Variants in FGD5 observed in about 807,000 individuals in gnomAD.
The protein encoded by FGD5 is FYVE, RhoGEF and PH domain containing 5.
A neutral mutation model predicts 133.4 loss-of-function variants in FGD5; 28 were observed. The observed-to-expected ratio is 0.21, with a 90% CI of 0.16 to 0.29. The LOEUF (loss-of-function observed/expected upper bound fraction) is 0.29. Ranked by LOEUF, FGD5 falls within the 10% of genes least tolerant of loss-of-function variation. The pLI, the probability that FGD5 is intolerant of heterozygous loss-of-function variation, is 1.00. For missense variants in FGD5, 1,858 were observed against 1,895.2 expected, an observed-to-expected ratio of 0.98 and a Z score of 0.36; for synonymous variants, 810 against 776.5, an observed-to-expected ratio of 1.04 and a Z score of -0.72.
At chr3:14,921,835 G>C in intron 13 of FGD5, 83 bp from the exon 14 acceptor site, 2 of 1,329,858 alleles carry the variant, frequency 1.5e-6, no homozygotes. Context: ...AGGGGCATCT[G>C]AGTGAGAACC....
At chr3:14,829,699 C>T (rs916852470) in intron 1 of FGD5, among the ~76,000 whole-genome samples, 12 of 152,054 alleles carry the variant, frequency 7.9e-5, no homozygotes, top group African/African-American at 2.9e-4. Flanking sequence ...GGAGACAAGC[C>T]GAGTAATGAA....
At position 14,922,172 on chromosome 3, in the gene FGD5, C is replaced by T. The variant is rs2038696205; in HGVS notation, c.3669+155C>T. The T allele has an allele frequency of 2.0e-6, 2 of 982,484 alleles. No homozygotes were observed. Among genetic ancestry groups the T allele is most frequent in the Non-Finnish European group, 3.0e-6 (2 of 662,910 alleles). 60.9% of individuals were successfully genotyped at this position (982,484 alleles called of 1,614,324 possible). ...ACCCCTGCCATGCTCCCACCCTAGT[C>T]AGGGGCGGCCTCCGTGTAACCTAGG... is the stretch of plus-strand genomic sequence containing the variant. On this transcript the variant is annotated intron_variant, in intron 14 of 19. Coordinates refer to ENST00000285046, the MANE Select transcript of FGD5 (RefSeq NM_152536.4). The surrounding 1 kb of genome is among the most constrained non-coding windows in gnomAD (Gnocchi z 4.1).
rs1398663823 is a variant in FGD5, at chr3:14,820,339, A to T, written c.1268A>T (p.Asp423Val). Residue 423 changes from aspartate to valine, a missense_variant, in exon 1 of 20, where the codon GAT becomes GTT. Coordinates refer to ENST00000285046, the MANE Select transcript of FGD5 (RefSeq NM_152536.4). The stretch of plus-strand genomic sequence containing the variant: ...GTCGTGCTGGAGGAGGAGGCCTTGG[A>T]TGATGCACTGGCCAACCCCTATGTG... Reference protein sequence around the residue: ...VVVVLEEEALDDALANPYVMG... With the variant: ...VVVVLEEEALVDALANPYVMG... 1 of 1,612,312 alleles carries T rather than the reference A, an allele frequency of 6.2e-7. No individual in the cohort carries two copies. The highest frequency in any genetic ancestry group is 1.1e-5 in the South Asian group (1 of 90,884).
intron 1 of FGD5, among the ~76,000 whole-genome samples, chr3:14,836,245 C>T (rs1013796888): frequency 6.6e-6 from 1 of 152,204 alleles, no homozygotes; most frequent in Non-Finnish European, 1.5e-5. Flanking sequence ...AGAGATTGTT[C>T]TGGGCCACGC....
chr3:14,858,943 T>C (rs996675286), intron 1 of FGD5, among the ~76,000 whole-genome samples: 2 of 152,172 alleles, frequency 1.3e-5, no homozygotes, highest in African/African-American at 4.8e-5. Flanking sequence ...ACAGCCTTGG[T>C]TTTAGTATCA....
intron 4 of FGD5, among the ~76,000 whole-genome samples, chr3:14,892,158 C>T (rs1004005399): frequency 2.0e-5 from 3 of 151,972 alleles, no homozygotes; most frequent in Non-Finnish European, 4.4e-5. Context: ...CTCTCTCAGG[C>T]ACTTTCTACT....
rs1285393122 is a variant in FGD5 at position 14,864,213 on chromosome 3, T to G, written c.2611T>G (p.Ser871Ala). The G allele has an allele frequency of 6.2e-7, 1 of 1,613,894 alleles. No homozygotes were observed. Among genetic ancestry groups the G allele is most frequent in the African/African-American group, 1.3e-5 (1 of 75,018 alleles). ...TACGTCGGATGAAGAGCAGAGAAGCTCGGAGGAGGAGGACAGTGCTTCAAG... is the reference window on the plus strand; with the variant it reads ...TACGTCGGATGAAGAGCAGAGAAGCGCGGAGGAGGAGGACAGTGCTTCAAG... ...DLTSDEEQRS[S>A]EEEDSASRDP... The change falls in exon 2 of 20, where the codon TCG becomes GCG. Residue 871 changes from serine to alanine, a missense_variant. By Grantham distance (99) the Ser-to-Ala change is moderately conservative. Around this residue, in one of 3 missense-constraint regions of FGD5, gnomAD observed 1,824 missense variants for 1,848.9 expected, o/e 0.99. Transcript: ENST00000285046.
chr3:14,882,209 C>A, intron 4 of FGD5: 1 of 770,940 alleles, frequency 1.3e-6, no homozygotes, highest in Non-Finnish European at 1.6e-6. Context: ...TTTTTTTTAA[C>A]TTCTCTCTCC....
chr3:14,844,217 AAT>A (rs869290486), intron 1 of FGD5, among the ~76,000 whole-genome samples: 56 of 20,370 alleles, frequency 2.7e-3, no homozygotes, highest in Non-Finnish European at 3.7e-3. Context: ...AAAAAAAAAA[AAT>A]ATATATATAT....
intron 2 of FGD5, among the ~76,000 whole-genome samples, chr3:14,870,226 C>T (rs1055268971): frequency 1.4e-4 from 21 of 152,110 alleles, no homozygotes; most frequent in South Asian, 2.1e-4. Context: ...GGCAGGAGGG[C>T]GGAGAGAGTC....
chr3:14,823,356 G>T (rs1422833081), intron 1 of FGD5, among the ~76,000 whole-genome samples: 2 of 152,154 alleles, frequency 1.3e-5, no homozygotes, highest in Non-Finnish European at 2.9e-5. Flanking sequence ...ATCGGGTGCT[G>T]GGTACTCTGA....
chr3:14,850,332 G>A (rs76977589), intron 1 of FGD5, among the ~76,000 whole-genome samples: 6,572 of 152,312 alleles, frequency 0.043, 200 homozygotes, highest in Middle Eastern at 0.088. Context: ...AGCCTCTGGG[G>A]TGCTTCTCCC....
At chr3:14,838,410 G>T (rs1426778582) in intron 1 of FGD5, among the ~76,000 whole-genome samples, 1 of 152,186 alleles carries the variant, frequency 6.6e-6, no homozygotes, top group Admixed American at 6.5e-5. Context: ...AAATGATGCA[G>T]AATATTTGTA....
chr3:14,869,500 C>T (rs1260644268), intron 2 of FGD5, among the ~76,000 whole-genome samples: 2 of 152,190 alleles, frequency 1.3e-5, no homozygotes, highest in Admixed American at 6.5e-5. Context: ...TAGCATGAAG[C>T]ACATTACATT....
chr3:14,810,723 CG>C, upstream of FGD5: 9 of 841,900 alleles, frequency 1.1e-5, no homozygotes, highest in South Asian at 5.4e-5. Context: ...CGAGGCGCGC[CG>C]GGGCCGGGCG....
At chr3:14,865,823 C>T (rs1037414769) in intron 2 of FGD5, among the ~76,000 whole-genome samples, 4 of 152,348 alleles carry the variant, frequency 2.6e-5, no homozygotes, top group Admixed American at 6.5e-5. Flanking sequence ...TGCGGGCCTT[C>T]TCTGACCTCT....
chr3:14,830,782 A>T (rs905323918), intron 1 of FGD5, among the ~76,000 whole-genome samples: 2 of 152,102 alleles, frequency 1.3e-5, no homozygotes, highest in Admixed American at 1.3e-4. Flanking sequence ...GCCAAAGAGG[A>T]GAGTTGTGTT....
chr3:14,813,043 A>G (rs930444060), intron 1 of FGD5, among the ~76,000 whole-genome samples: 31 of 152,152 alleles, frequency 2.0e-4, no homozygotes, highest in African/African-American at 7.5e-4. Context: ...GGCTGAGACA[A>G]GATTGAAACC....
intron 1 of FGD5, among the ~76,000 whole-genome samples, chr3:14,834,224 T>C (rs2036772286): frequency 6.6e-6 from 1 of 152,094 alleles, no homozygotes; most frequent in African/African-American, 2.4e-5. Context: ...TGAAGTAGTA[T>C]ATTATGGGAG....
Sources: allele counts gnomAD v4.1 joint callset (sites outside exome capture counted in the v4.1 genomes callset), GRCh38; gene constraint gnomAD v4.1.1; regional missense constraint gnomAD v4.1.1; non-coding constraint Gnocchi (gnomAD v3.1); transcripts MANE v1.5; gene names NCBI Gene and HGNC (gene_info 2026-07-23, HGNC 2026-07-21).